The following PPM1L variants were observed in gnomAD, a reference collection of about 807,000 sequenced individuals.
PPM1L encodes the protein protein phosphatase, Mg2+/Mn2+ dependent 1L.
PPM1L carries 13 observed loss-of-function variants against 31.4 expected under a neutral mutation model. That is an observed-to-expected ratio of 0.41 (90% CI 0.27 to 0.66). The LOEUF is 0.66. Among genes scored for constraint, PPM1L ranks in the 30% least tolerant of loss-of-function variants. The pLI is 0.29. For synonymous variants in PPM1L, 184 were observed against 175.4 expected (o/e 1.05, Z -0.39); for missense variants, 326 against 453.7 (o/e 0.72, Z 2.56).
At chr3:160,935,888 C>T (rs1392992347) in intron 1 of PPM1L, among the ~76,000 whole-genome samples, 1 of 152,118 alleles carries the variant, frequency 6.6e-6, no homozygotes, top group Non-Finnish European at 1.5e-5. Flanking sequence ...GCTGGCAATC[C>T]CAGCTGCTGT....
In PPM1L at chr3:161,077,531, C is replaced by CTATT. The variant is rs1390857537; in HGVS notation, c.*8376_*8379dup. 1 of 152,194 alleles carries CTATT rather than the reference C, an allele frequency of 6.6e-6. No homozygotes were observed. Among genetic ancestry groups the CTATT allele is most frequent in the East Asian group, 1.9e-4 (1 of 5,200 alleles). 9.4% of individuals were successfully genotyped at this position (152,194 alleles called of 1,614,324 possible). A position where few individuals can be genotyped will look rare whatever the true frequency, so the allele number is the denominator to read the frequency against. ...AGGAGCAAGAACATCTCTCCATGGC[C>CTATT]TATTTTTATTTTTGTTCCCAAGAGA... On this transcript the variant is annotated 3_prime_UTR_variant, in exon 4 of 4. Coordinates refer to ENST00000498165, the MANE Select transcript of PPM1L (RefSeq NM_139245.4).
intron 1 of PPM1L, among the ~76,000 whole-genome samples, chr3:160,920,631 A>T (rs1297634061): frequency 6.5e-5 from 8 of 123,954 alleles, no homozygotes; most frequent in African/African-American, 2.4e-4. Context: ...ACACACACAC[A>T]CACACACTCA....
chr3:160,814,526 CATAT>C (rs1712910009), intron 1 of PPM1L, among the ~76,000 whole-genome samples: 2 of 98,202 alleles, frequency 2.0e-5, no homozygotes, highest in South Asian at 3.1e-4. Flanking sequence ...TATACACACA[CATAT>C]GTATGTATGT....
rs1307097492 is a variant in PPM1L, at chr3:160,944,844, T to TATATGTTATATATAAC, written c.400-16888_400-16887insGTTATATATAACATAT. Among the ~76,000 whole-genome samples the TATATGTTATATATAAC allele has an allele frequency of 1.2e-4, 3 of 24,640 alleles. 1 individual carries two copies. Among genetic ancestry groups the TATATGTTATATATAAC allele is most frequent in the African/African-American group, 1.5e-4 (1 of 6,574 alleles). 16.2% of individuals were successfully genotyped at this position (24,640 alleles called of 152,430 possible). A position where few individuals can be genotyped will look rare whatever the true frequency, so the allele number is the denominator to read the frequency against. On this transcript the variant is annotated intron_variant, in intron 1 of 3. Coordinates refer to ENST00000498165, the MANE Select transcript of PPM1L (RefSeq NM_139245.4). ...TGTTATATATAACATATATATGTTATATATAACATATATTATATATAATGT... is the reference window on the plus strand; with the variant it reads ...TGTTATATATAACATATATATGTTATATATGTTATATATAACATATAACATATATTATATATAATGT...
At chr3:160,897,210 T>C (rs1713365786) in intron 1 of PPM1L, among the ~76,000 whole-genome samples, 1 of 151,934 alleles carries the variant, frequency 6.6e-6, no homozygotes, top group African/African-American at 2.4e-5. Context: ...ACCCAGCTAA[T>C]ATTTGTATTT....
chr3:160,946,123 T>G (rs1202642701), intron 1 of PPM1L, among the ~76,000 whole-genome samples: 2 of 152,114 alleles, frequency 1.3e-5, no homozygotes, highest in Non-Finnish European at 2.9e-5. Flanking sequence ...GTAAAAGGAA[T>G]AGTAAAGCAC....
At chr3:160,991,250 C>A (rs1400144066) in intron 2 of PPM1L, among the ~76,000 whole-genome samples, 1 of 152,152 alleles carries the variant, frequency 6.6e-6, no homozygotes, top group Non-Finnish European at 1.5e-5. Flanking sequence ...ACATTGAGTT[C>A]TTTCCCAAAC....
intron 1 of PPM1L, among the ~76,000 whole-genome samples, chr3:160,940,490 AG>A (rs1715127993): frequency 6.6e-6 from 1 of 152,174 alleles, no homozygotes; most frequent in Non-Finnish European, 1.5e-5. Flanking sequence ...TGCTGTGTGC[AG>A]CCTAGGGACT....
chr3:161,008,838 A>G (rs1717795369), intron 2 of PPM1L, among the ~76,000 whole-genome samples: 1 of 152,198 alleles, frequency 6.6e-6, no homozygotes, highest in South Asian at 2.1e-4. Flanking sequence ...CAGACATGCA[A>G]AGTTGGGTCA....
intron 2 of PPM1L, among the ~76,000 whole-genome samples, chr3:161,058,690 T>C (rs906763855): frequency 2.0e-5 from 3 of 152,170 alleles, no homozygotes; most frequent in African/African-American, 7.2e-5. Flanking sequence ...GGAGAATACC[T>C]GCCCTCCCCA....
chr3:160,860,142 T>C (rs890629423), intron 1 of PPM1L, among the ~76,000 whole-genome samples: 1 of 152,148 alleles, frequency 6.6e-6, no homozygotes, highest in Non-Finnish European at 1.5e-5. Flanking sequence ...AGATTACACA[T>C]GTGGATAGTT....
chr3:160,778,052 A>G (rs1232214839), intron 1 of PPM1L, among the ~76,000 whole-genome samples: 3 of 152,164 alleles, frequency 2.0e-5, no homozygotes, highest in Non-Finnish European at 4.4e-5. Context: ...TTTGGGGAGT[A>G]GCCATTTTTA....
chr3:160,814,540 T>G (rs1712911872), intron 1 of PPM1L, among the ~76,000 whole-genome samples: 1 of 119,718 alleles, frequency 8.4e-6, no homozygotes, highest in Non-Finnish European at 1.9e-5. Context: ...TGTATGTATG[T>G]GTATATATAC....
intron 2 of PPM1L, among the ~76,000 whole-genome samples, chr3:161,047,640 G>A (rs1719127981): frequency 6.6e-6 from 1 of 152,136 alleles, no homozygotes; most frequent in African/African-American, 2.4e-5. Flanking sequence ...ACAATCCTAA[G>A]CCAAAAGAAC....
intron 1 of PPM1L, among the ~76,000 whole-genome samples, chr3:160,779,542 A>T (rs1711674757): frequency 1.3e-5 from 2 of 151,778 alleles, no homozygotes; most frequent in South Asian, 4.2e-4. Context: ...TTCTTTTTTG[A>T]GACAGGGTCT....
intron 1 of PPM1L, among the ~76,000 whole-genome samples, chr3:160,883,881 C>CAAAAAAAA (rs36011243): frequency 9.4e-6 from 1 of 106,214 alleles, no homozygotes; most frequent in Non-Finnish European, 1.7e-5. Context: ...CTTGTCTCTA[C>CAAAAAAAA]AAAAAAAAAA....
intron 1 of PPM1L, among the ~76,000 whole-genome samples, chr3:160,831,819 T>C (rs1324042751): frequency 6.6e-6 from 1 of 152,212 alleles, no homozygotes; most frequent in African/African-American, 2.4e-5. Flanking sequence ...TTTGGTTTTC[T>C]CATTAGTAAA....
intron 1 of PPM1L, among the ~76,000 whole-genome samples, chr3:160,815,028 A>G (rs1034385464): frequency 6.6e-6 from 1 of 152,092 alleles, no homozygotes; most frequent in African/African-American, 2.4e-5. Flanking sequence ...GGTGAGGGAT[A>G]AAAGACTACA....
chr3:160,794,400 A>G (rs551319277), intron 1 of PPM1L, among the ~76,000 whole-genome samples: 2 of 152,302 alleles, frequency 1.3e-5, no homozygotes, highest in East Asian at 3.9e-4. Context: ...TCTCCTCATG[A>G]TAAAACTCTA....
Sources: gnomAD v4.1 joint callset for allele counts (sites outside exome capture counted in the v4.1 genomes callset) on GRCh38, gnomAD v4.1.1 for gene constraint, MANE v1.5 for transcripts, NCBI Gene and HGNC (gene_info 2026-07-23, HGNC 2026-07-21) for gene names.